Variants in LHFPL2 observed in about 807,000 individuals in gnomAD.
LHFPL2 encodes the protein LHFPL tetraspan subfamily member 2 protein.
LHFPL2 carries 7 observed loss-of-function variants against 17.5 expected under a neutral mutation model. That is an observed-to-expected ratio of 0.40 (90% confidence interval 0.23 to 0.75). The LOEUF (loss-of-function observed/expected upper bound fraction) is 0.75, where lower values mean the gene tolerates loss of function less well. LHFPL2 is among the 30% of genes least tolerant of loss of function. The probability of loss-of-function intolerance (pLI) is 0.37; values close to 1 mark genes in which losing one functional copy is unlikely to be tolerated. For synonymous variants in LHFPL2, 134 were observed against 116.2 expected (o/e 1.15, Z -0.99); for missense variants, 241 against 294.8 (o/e 0.82, Z 1.34).
At chr5:78,524,468 G>A (rs1203154084) in intron 3 of LHFPL2, among the ~76,000 whole-genome samples, 3 of 152,172 alleles carry the variant, frequency 2.0e-5, no homozygotes, top group African/African-American at 4.8e-5. Context: ...CCGGCCAGGC[G>A]CAGTGGCTCA....
chr5:78,525,464 A>G (rs1277770386), intron 3 of LHFPL2, among the ~76,000 whole-genome samples: 1 of 152,218 alleles, frequency 6.6e-6, no homozygotes, highest in Non-Finnish European at 1.5e-5. Flanking sequence ...GGAAAAATGA[A>G]TTGAGCAGGT....
At chr5:78,628,108 G>A (rs1346722166) in intron 2 of LHFPL2, among the ~76,000 whole-genome samples, 1 of 152,074 alleles carries the variant, frequency 6.6e-6, no homozygotes, top group African/African-American at 2.4e-5. Flanking sequence ...TGGCACACTG[G>A]ATATCGAGCT....
intron 2 of LHFPL2, among the ~76,000 whole-genome samples, chr5:78,565,350 A>T (rs889732005): frequency 1.3e-5 from 2 of 152,254 alleles, no homozygotes; most frequent in African/African-American, 4.8e-5. Flanking sequence ...AGATGTCAAG[A>T]CTGGGAAAGT....
intron 2 of LHFPL2, among the ~76,000 whole-genome samples, chr5:78,589,399 G>A (rs983911183): frequency 1.3e-4 from 20 of 151,382 alleles, no homozygotes; most frequent in African/African-American, 4.4e-4. Context: ...GAACCCGGGA[G>A]GCAGAGGCTG....
intron 2 of LHFPL2, among the ~76,000 whole-genome samples, chr5:78,566,195 G>T (rs1756855419): frequency 6.6e-6 from 1 of 152,134 alleles, no homozygotes; most frequent in Non-Finnish European, 1.5e-5. Flanking sequence ...ACAGCCATGG[G>T]CTAACAATCA....
At chr5:78,563,144 ATG>A (rs1756774162) in intron 3 of LHFPL2, among the ~76,000 whole-genome samples, 1 of 152,214 alleles carries the variant, frequency 6.6e-6, no homozygotes, top group Non-Finnish European at 1.5e-5. Context: ...GTAGAACTCT[ATG>A]AGCACAAACC....
chr5:78,561,884 A>G (rs1431461379), intron 3 of LHFPL2, among the ~76,000 whole-genome samples: 1 of 152,196 alleles, frequency 6.6e-6, no homozygotes, highest in Non-Finnish European at 1.5e-5. Context: ...ATTAAAAAGC[A>G]TGCCTAGTAG....
intron 2 of LHFPL2, among the ~76,000 whole-genome samples, chr5:78,599,577 G>A (rs559300249): frequency 1.3e-5 from 2 of 152,074 alleles, no homozygotes; most frequent in Middle Eastern, 6.8e-3. Flanking sequence ...AAAGTGCTGG[G>A]ATTACAGGCA....
At chr5:78,593,089 G>C (rs968869138) in intron 2 of LHFPL2, among the ~76,000 whole-genome samples, 1 of 152,082 alleles carries the variant, frequency 6.6e-6, no homozygotes, top group African/African-American at 2.4e-5. Flanking sequence ...CTCTGTCCCC[G>C]GTGTCTGGTT....
intron 1 of LHFPL2, among the ~76,000 whole-genome samples, chr5:78,632,904 G>C (rs909047466): frequency 1.3e-5 from 2 of 152,134 alleles, no homozygotes; most frequent in Non-Finnish European, 2.9e-5. Context: ...CCAAACTAGA[G>C]GGCAAGCAAA....
chr5:78,578,768 T>A (rs895895688), intron 2 of LHFPL2, among the ~76,000 whole-genome samples: 1 of 152,202 alleles, frequency 6.6e-6, no homozygotes, highest in Non-Finnish European at 1.5e-5. Context: ...AGGAATCATC[T>A]ATGTACAAGG....
chr5:78,536,244 G>A (rs921296745), intron 3 of LHFPL2, among the ~76,000 whole-genome samples: 1 of 152,184 alleles, frequency 6.6e-6, no homozygotes, highest in Non-Finnish European at 1.5e-5. Context: ...GCTTGGCCGT[G>A]GCACTGTAAA....
rs1580805839 is a variant in LHFPL2 at position 78,557,951 on chromosome 5, T to A, written c.-186+6862A>T. 2.6e-5 allele frequency among the ~76,000 whole-genome samples: 4 copies of A among 152,138 alleles called. No homozygotes were observed. In the South Asian group the frequency reaches 8.3e-4, roughly 32 times the overall value. On this transcript the variant is annotated intron_variant, in intron 3 of 4. Coordinates refer to ENST00000380345, the MANE Select transcript of LHFPL2 (RefSeq NM_005779.3). ...ATCAGAGCATGAAAGAAAGCAAAGA[T>A]TACAAAAACTTTATTGCAATTTGAA...
intron 3 of LHFPL2, among the ~76,000 whole-genome samples, chr5:78,520,817 G>A (rs1030261561): frequency 8.0e-5 from 12 of 150,306 alleles, no homozygotes; most frequent in African/African-American, 3.0e-4. Flanking sequence ...ACTGCTAACT[G>A]CTACAAATGA....
At chr5:78,534,813 T>C (rs1197584530) in intron 3 of LHFPL2, among the ~76,000 whole-genome samples, 2 of 152,094 alleles carry the variant, frequency 1.3e-5, no homozygotes, top group Non-Finnish European at 2.9e-5. Context: ...CACCTTGCCG[T>C]CCTGGCAAAA....
chr5:78,633,098 CTG>C (rs1745312421), intron 1 of LHFPL2, among the ~76,000 whole-genome samples: 1 of 152,202 alleles, frequency 6.6e-6, no homozygotes, highest in Admixed American at 6.5e-5. Context: ...GGAGAGGAGA[CTG>C]TGATGGTTCA....
intron 1 of LHFPL2, among the ~76,000 whole-genome samples, chr5:78,643,312 C>A (rs1331573166): frequency 1.3e-5 from 2 of 152,052 alleles, no homozygotes; most frequent in Non-Finnish European, 2.9e-5. Flanking sequence ...CATGATGAAC[C>A]AAGTATTCAC....
chr5:78,624,409 G>C (rs1275721635), intron 2 of LHFPL2, among the ~76,000 whole-genome samples: 1 of 152,188 alleles, frequency 6.6e-6, no homozygotes, highest in Non-Finnish European at 1.5e-5. Flanking sequence ...ATGGTCAGCT[G>C]TCAAGGATTC....
intron 3 of LHFPL2, among the ~76,000 whole-genome samples, chr5:78,539,145 A>C (rs901491211): frequency 6.6e-6 from 1 of 152,164 alleles, no homozygotes; most frequent in Admixed American, 6.5e-5. Context: ...TCCTTCCAAA[A>C]GGGCTTGGGG....
Sources: gnomAD v4.1 joint callset for allele counts (sites outside exome capture counted in the v4.1 genomes callset) on GRCh38, gnomAD v4.1.1 for gene constraint, MANE v1.5 for transcripts, NCBI Gene and HGNC (gene_info 2026-07-23, HGNC 2026-07-21) for gene names.